The following STS variants were observed in gnomAD, a reference collection of about 807,000 sequenced individuals.
STS encodes steroid sulfatase.
A neutral mutation model predicts 26.8 loss-of-function variants in STS; 7 were observed. The ratio of observed to expected loss-of-function variants is 0.26; its 90% CI spans 0.15 to 0.49. STS has a LOEUF of 0.49. Ranked by LOEUF, STS falls within the 20% of genes least tolerant of loss-of-function variation. The probability of loss-of-function intolerance (pLI) is 0.98; values close to 1 mark genes in which losing one functional copy is unlikely to be tolerated. For synonymous variants in STS, 199 were observed against 189.4 expected, an observed-to-expected ratio of 1.05 and a Z score of -0.42; for missense variants, 434 against 465.6, an observed-to-expected ratio of 0.93 and a Z score of 0.63.
At chrX:7,232,841 G>A (rs138361802) in intron 2 of STS, among the ~76,000 whole-genome samples, 6,889 of 111,361 alleles carry the variant, frequency 0.062, 226 homozygotes, top group Non-Finnish European at 0.092. Flanking sequence ...CCGGATCATG[G>A]GGGTGGTCCC....
intron 7 of STS, among the ~76,000 whole-genome samples, chrX:7,287,402 C>G (rs1469918689): frequency 9.0e-6 from 1 of 110,953 alleles, no homozygotes; most frequent in Non-Finnish European, 1.9e-5. Flanking sequence ...AAATCTCACC[C>G]CTAAATAGGC....
At chrX:7,316,522 T>C (rs776377876) in intron 8 of STS, among the ~76,000 whole-genome samples, 2 of 112,236 alleles carry the variant, frequency 1.8e-5, no homozygotes, top group Admixed American at 9.5e-5. Context: ...CCTGGCTCTT[T>C]AGAGAAAAAG....
chrX:7,255,127 T>G (rs1219065287), intron 3 of STS, among the ~76,000 whole-genome samples: 1 of 112,585 alleles, frequency 8.9e-6, no homozygotes, highest in Non-Finnish European at 1.9e-5. Flanking sequence ...ACTTTCAATC[T>G]GAAACTTTGC....
At chrX:7,283,792 G>A (rs1367600179) in intron 7 of STS, among the ~76,000 whole-genome samples, 1 of 111,465 alleles carries the variant, frequency 9.0e-6, no homozygotes, top group African/African-American at 3.3e-5. Flanking sequence ...AAGAGAGCTG[G>A]TGGCTTGTGA....
At chrX:7,311,743 A>T (rs1926486768) in intron 8 of STS, among the ~76,000 whole-genome samples, 1 of 112,046 alleles carries the variant, frequency 8.9e-6, no homozygotes, top group African/African-American at 3.2e-5. Flanking sequence ...CAAGCTACTG[A>T]GGAGGCTAGG....
rs771772893 is a variant in STS, at chrX:7,223,912, C to T, written c.-4-29284C>T. ...AGACATTCATTTTTTTTTCACTTTC[C>T]TCATCATGGAAATATTCTGAGACAT... On this transcript the variant is annotated intron_variant, in intron 2 of 10. Transcript: ENST00000674429. Among the ~76,000 whole-genome samples, 3 of 110,319 alleles carry T rather than the reference C, an allele frequency of 2.7e-5. No individual in the cohort carries two copies. The East Asian group carries it at 8.5e-4, about 31-fold the overall frequency.
intron 2 of STS, among the ~76,000 whole-genome samples, chrX:7,215,038 T>TATA (rs1256684944): frequency 8.9e-5 from 6 of 67,781 alleles, no homozygotes; most frequent in African/African-American, 2.0e-4. Context: ...TATGTATATA[T>TATA]ATACATATAT....
At chrX:7,328,535 C>T (rs888734952) in intron 9 of STS, among the ~76,000 whole-genome samples, 8 of 104,340 alleles carry the variant, frequency 7.7e-5, no homozygotes, top group Non-Finnish European at 1.6e-4. Context: ...TCATGGACCT[C>T]AGAGGTGCTT....
chrX:7,275,239 CTG>C (rs1429110656), intron 6 of STS, among the ~76,000 whole-genome samples: 9 of 111,500 alleles, frequency 8.1e-5, no homozygotes, highest in African/African-American at 2.9e-4. Flanking sequence ...TACATGGTGA[CTG>C]TAGTGACTTA....
intron 2 of STS, among the ~76,000 whole-genome samples, chrX:7,191,284 A>G (rs1368415044): frequency 8.9e-6 from 1 of 112,289 alleles, no homozygotes; most frequent in Non-Finnish European, 1.9e-5. Flanking sequence ...GGCAGCGTGC[A>G]TAATCTGATG....
intron 2 of STS, among the ~76,000 whole-genome samples, chrX:7,228,439 C>G (rs1921913927): frequency 9.0e-6 from 1 of 111,655 alleles, no homozygotes; most frequent in Non-Finnish European, 1.9e-5. Context: ...GGAGTGATCT[C>G]TCATTGTGTG....
intron 8 of STS, among the ~76,000 whole-genome samples, chrX:7,323,279 G>A (rs1927143656): frequency 9.1e-6 from 1 of 109,728 alleles, no homozygotes; most frequent in Admixed American, 9.7e-5. Context: ...TGTGTTACAT[G>A]GGTATATTGC....
At chrX:7,153,557 T>G (rs1601616295) in intron 1 of STS, among the ~76,000 whole-genome samples, 1 of 103,147 alleles carries the variant, frequency 9.7e-6, no homozygotes, top group East Asian at 3.2e-4. Flanking sequence ...TTTTCCTGTC[T>G]TCCTTCCTGT....
chrX:7,253,105 C>T lies in STS; in HGVS notation c.-4-91C>T, dbSNP rs1454774266. 3.7e-6 allele frequency: 4 copies of T among 1,069,289 alleles called. No individual in the cohort carries two copies. The African/African-American group carries it at 7.4e-5, about 20-fold the overall frequency. The allele number at this position is 1,069,289 out of a possible 1,213,427, so 88.1% of individuals were successfully genotyped here. A position where few individuals can be genotyped will look rare whatever the true frequency, so the allele number is the denominator to read the frequency against. ...CTTCAAGGTTGCAGTGAGCTAAGAT[C>T]CTACCACCTCACCCCAGCCTGGGCA... On this transcript the variant is annotated intron_variant, in intron 2 of 10. Coordinates refer to ENST00000674429, the MANE Select transcript of STS (RefSeq NM_001320752.2).
At position 7,298,915 on chromosome X, in the gene STS, G is replaced by A. The variant is rs916882391; in HGVS notation, c.944-6131G>A. ...ATTAACAGTGGGTGCCTGTTTAAGG[G>A]GATATCTACCTATCTATCTAGCATA... On this transcript the variant is annotated intron_variant, in intron 7 of 10. Transcript: ENST00000674429. 4.9e-5 allele frequency among the ~76,000 whole-genome samples: 5 copies of A among 101,833 alleles called. No homozygotes were observed. The Admixed American group carries it at 5.7e-4, about 12-fold the overall frequency. 88.4% of individuals were successfully genotyped at this position (101,833 alleles called of 115,157 possible). A position where few individuals can be genotyped will look rare whatever the true frequency, so the allele number is the denominator to read the frequency against.
chrX:7,207,352 G>A (rs903470318), intron 2 of STS, among the ~76,000 whole-genome samples: 1 of 112,075 alleles, frequency 8.9e-6, no homozygotes, highest in Non-Finnish European at 1.9e-5. Flanking sequence ...GAATTTGTTG[G>A]CATTGTCTTC....
intron 2 of STS, among the ~76,000 whole-genome samples, chrX:7,252,060 TATG>T (rs1923165891): frequency 9.0e-6 from 1 of 111,335 alleles, no homozygotes; most frequent in African/African-American, 3.3e-5. Context: ...AGAGAACTGA[TATG>T]ATTAACACCT....
chrX:7,349,295 C>T (rs1928666030), intron 10 of STS, among the ~76,000 whole-genome samples: 1 of 92,849 alleles, frequency 1.1e-5, no homozygotes, highest in Non-Finnish European at 2.1e-5. Flanking sequence ...TGAGCCGCTG[C>T]ACTCGGCCCT....
chrX:7,333,919 G>T, intron 9 of STS, 67 bp from the exon 10 acceptor site: 4 of 1,201,124 alleles, frequency 3.3e-6, no homozygotes, highest in Non-Finnish European at 4.5e-6. Context: ...TGCTCTTATT[G>T]GTTCAGAAGG....
Sources: gnomAD v4.1 joint callset for allele counts (sites outside exome capture counted in the v4.1 genomes callset) on GRCh38, gnomAD v4.1.1 for gene constraint, MANE v1.5 for transcripts, NCBI Gene and HGNC (gene_info 2026-07-23, HGNC 2026-07-21) for gene names.